FKTN: variants seen among roughly 807,000 people sequenced by gnomAD.
FKTN encodes the protein ribitol-5-phosphate transferase FKTN.
A neutral mutation model predicts 58.6 loss-of-function variants in FKTN; 47 were observed. That is an observed-to-expected ratio of 0.80 (90% CI 0.63 to 1.02). The LOEUF (loss-of-function observed/expected upper bound fraction) is 1.02, where lower values mean the gene tolerates loss of function less well. Among genes scored for constraint, FKTN ranks in the 50% least tolerant of loss-of-function variants. The pLI is 0.00. For missense variants in FKTN, 516 were observed against 537.3 expected (o/e 0.96, Z 0.39); for synonymous variants, 178 against 191.9 (o/e 0.93, Z 0.60).
rs565428932 is a variant in FKTN, at chr9:105,636,023, C to G, written c.*759C>G. 1.0e-6 allele frequency: 1 copy of G among 985,230 alleles called. No homozygotes were observed. Among genetic ancestry groups the G allele is most frequent in the Admixed American group, 6.1e-5 (1 of 16,280 alleles). The allele number at this position is 985,230 out of a possible 1,614,324, so 61.0% of individuals were successfully genotyped here. On this transcript the variant is annotated 3_prime_UTR_variant, in exon 11 of 11. Transcript: ENST00000357998. ...ACTGACCTCTGATGGCACTTGTTGACAAATCATTCAAGTGAGACCATGTTA... is the reference window on the plus strand; with the variant it reads ...ACTGACCTCTGATGGCACTTGTTGAGAAATCATTCAAGTGAGACCATGTTA...
intron 1 of FKTN, among the ~76,000 whole-genome samples, chr9:105,564,308 G>A (rs990922071): frequency 3.3e-5 from 5 of 152,220 alleles, no homozygotes; most frequent in African/African-American, 1.2e-4. Flanking sequence ...GAATGACTTC[G>A]ACAAGTTGAG....
chr9:105,558,139 A>G lies in FKTN; in HGVS notation c.-207A>G, dbSNP rs1386755075. 6.6e-6 allele frequency: 1 copy of G among 152,102 alleles called. No homozygotes were observed. The highest frequency in any genetic ancestry group is 2.1e-4 in the South Asian group (1 of 4,814). The allele number at this position is 152,102 out of a possible 1,614,324, so 9.4% of individuals were successfully genotyped here. A position where few individuals can be genotyped will look rare whatever the true frequency, so the allele number is the denominator to read the frequency against. On this transcript the variant is annotated 5_prime_UTR_variant, in exon 1 of 11. Coordinates refer to ENST00000357998, the MANE Select transcript of FKTN (RefSeq NM_001079802.2). ...GGTTGCTGTGAGTGCCGTAAAGCGG[A>G]GCGGCTGCAGCCTGCTGTTGAGTGA...
chr9:105,575,731 C>A (rs1409281770), intron 3 of FKTN, among the ~76,000 whole-genome samples: 1 of 152,090 alleles, frequency 6.6e-6, no homozygotes, highest in Admixed American at 6.6e-5. Context: ...TCAGTTTAGT[C>A]CTAAAAACAA....
intron 1 of FKTN, among the ~76,000 whole-genome samples, chr9:105,561,408 G>GT (rs1347084794): frequency 2.6e-5 from 4 of 152,050 alleles, no homozygotes; most frequent in South Asian, 4.1e-4. Context: ...AAAAAACTTA[G>GT]TTTTTTTCTT....
rs756541244 is a variant in FKTN at position 105,625,836 on chromosome 9, T to TA, written c.1172+5787dup. ...AACAAATGTGTAACCAGCACCCCAG[T>TA]AAAAAAAAAAAAGTATTTGTCAGCA... On this transcript the variant is annotated intron_variant, in intron 10 of 10. Transcript: ENST00000357998. 3.1e-3 allele frequency among the ~76,000 whole-genome samples: 445 copies of TA among 144,338 alleles called. 1 individual carries two copies. The highest frequency in any genetic ancestry group is 7.2e-3 in the Middle Eastern group (2 of 276). The allele number at this position is 144,338 out of a possible 152,430, so 94.7% of individuals were successfully genotyped here.
Position 105,637,787 on chromosome 9 carries a change from C to G in FKTN, c.*2523C>G. 1 of 985,266 alleles carries G rather than the reference C, an allele frequency of 1.0e-6. No individual in the cohort carries two copies. The highest frequency in any genetic ancestry group is 1.2e-6 in the Non-Finnish European group (1 of 829,802). The allele number at this position is 985,266 out of a possible 1,614,324, so 61.0% of individuals were successfully genotyped here. On this transcript the variant is annotated 3_prime_UTR_variant, in exon 11 of 11. Transcript: ENST00000357998. ...CCTCTTAATTGATAACCAGGACAAC[C>G]AGGTAGTCACCCAGTCCTCTCTAAG...
At chr9:105,567,028 G>C (rs1017013329) in intron 1 of FKTN, among the ~76,000 whole-genome samples, 6 of 152,004 alleles carry the variant, frequency 3.9e-5, no homozygotes, top group Non-Finnish European at 8.8e-5. Context: ...CATATAAACA[G>C]AACCAACAAC....
intron 1 of FKTN, among the ~76,000 whole-genome samples, chr9:105,566,949 G>T (rs1007000211): frequency 6.6e-6 from 1 of 152,152 alleles, no homozygotes; most frequent in Non-Finnish European, 1.5e-5. Context: ...TATCCACCAT[G>T]ATCAAGTGGG....
At chr9:105,616,319 C>T (rs1164514056) in intron 8 of FKTN, among the ~76,000 whole-genome samples, 3 of 151,954 alleles carry the variant, frequency 2.0e-5, no homozygotes, top group African/African-American at 4.8e-5. Context: ...ACTTATATAC[C>T]ATTCAAACAG....
At chr9:105,579,829 G>T (rs1049826245) in intron 3 of FKTN, among the ~76,000 whole-genome samples, 8 of 151,514 alleles carry the variant, frequency 5.3e-5, no homozygotes, top group African/African-American at 1.9e-4. Flanking sequence ...CACAGGACTT[G>T]CTTTATGAAT....
In FKTN at chr9:105,636,082, C is replaced by T. The variant is rs79162268; in HGVS notation, c.*818C>T. On this transcript the variant is annotated 3_prime_UTR_variant, in exon 11 of 11. Coordinates refer to ENST00000357998, the MANE Select transcript of FKTN (RefSeq NM_001079802.2). ...GATCTTGAAAGAGGCCATGATTTCA[C>T]AAAACTCATTTTTATTTTATTCTCA... is the stretch of plus-strand genomic sequence containing the variant. 2,411 of 983,674 alleles carry T rather than the reference C, an allele frequency of 2.5e-3. 52 individuals are homozygous for T. The African/African-American group carries it at 0.039, about 16-fold the overall frequency. The allele number at this position is 983,674 out of a possible 1,614,324, so 60.9% of individuals were successfully genotyped here.
In FKTN at chr9:105,635,077, G is replaced by C; in HGVS notation, c.1199G>C (p.Cys400Ser). Residue 400 changes from cysteine (C) to serine (S), a missense_variant, in exon 11 of 11, where the codon TGC (cysteine) becomes TCC (serine). Physicochemically the swap from Cys to Ser is moderately radical, Grantham distance 112 (BLOSUM62 -1). Coordinates refer to ENST00000357998, the MANE Select transcript of FKTN (RefSeq NM_001079802.2). Reference sequence around the variant, plus strand: ...TACCTGTTTCCGAAGTTTACACTGTGCTGGACTGAGTTTGTAGACATGAAG... The same window carrying C: ...TACCTGTTTCCGAAGTTTACACTGTCCTGGACTGAGTTTGTAGACATGAAG... ...FKYLFPKFTL[C>S]WTEFVDMKVH... The C allele has an allele frequency of 6.2e-7, 1 of 1,614,148 alleles. No homozygotes were observed.
intron 3 of FKTN, 114 bp downstream of exon 3, chr9:105,575,251 CT>C: frequency 1.4e-6 from 1 of 724,952 alleles, no homozygotes; most frequent in South Asian, 1.5e-5. Flanking sequence ...ATTCTTGCAT[CT>C]TTGCGAGGTG....
intron 1 of FKTN, among the ~76,000 whole-genome samples, chr9:105,564,727 G>C (rs1364409676): frequency 6.6e-6 from 1 of 152,190 alleles, no homozygotes; most frequent in African/African-American, 2.4e-5. Context: ...GTACTTTGCA[G>C]GATATTATCC....
At chr9:105,610,584 A>G (rs1308855736) in intron 7 of FKTN, among the ~76,000 whole-genome samples, 1 of 151,754 alleles carries the variant, frequency 6.6e-6, no homozygotes, top group Non-Finnish European at 1.5e-5. Flanking sequence ...GGGCACTGCT[A>G]TCCTCTGCTG....
intron 3 of FKTN, among the ~76,000 whole-genome samples, chr9:105,584,859 G>A (rs536999317): frequency 1.9e-4 from 29 of 151,876 alleles, no homozygotes; most frequent in African/African-American, 6.8e-4. Flanking sequence ...ATATTAAACC[G>A]TTTGTAGCCC....
intron 4 of FKTN, chr9:105,600,818 A>G: frequency 5.3e-6 from 1 of 189,350 alleles, no homozygotes; most frequent in Non-Finnish European, 1.1e-5. Flanking sequence ...CATGTCAGAT[A>G]CCACTTCCTC....
chr9:105,629,763 A>G (rs1033317222), intron 10 of FKTN, among the ~76,000 whole-genome samples: 3 of 152,216 alleles, frequency 2.0e-5, no homozygotes, highest in Admixed American at 2.0e-4. Context: ...TTGTGGCACT[A>G]TTCACAATAG....
Position 105,638,558 on chromosome 9 carries a change from T to C in FKTN, c.*3294T>C. On this transcript the variant is annotated 3_prime_UTR_variant, in exon 11 of 11. Coordinates refer to ENST00000357998, the MANE Select transcript of FKTN (RefSeq NM_001079802.2). The stretch of plus-strand genomic sequence containing the variant: ...ACCTGCTAAATGCCTGTATTTGAAG[T>C]CTCTCCCCTTCCTGAAGTGACCTTT... 5 of 985,346 alleles carry C rather than the reference T, an allele frequency of 5.1e-6. No individual in the cohort carries two copies. The highest frequency in any genetic ancestry group is 6.0e-6 in the Non-Finnish European group (5 of 829,934). The allele number at this position is 985,346 out of a possible 1,614,324, so 61.0% of individuals were successfully genotyped here.
Sources: allele counts gnomAD v4.1 joint callset (sites outside exome capture counted in the v4.1 genomes callset), GRCh38; gene constraint gnomAD v4.1.1; transcripts MANE v1.5; gene names NCBI Gene and HGNC (gene_info 2026-07-23, HGNC 2026-07-21).